Variants in CNNM2 observed in about 807,000 individuals in gnomAD.
CNNM2 encodes metal transporter CNNM2.
A neutral mutation model predicts 66.9 loss-of-function variants in CNNM2; 12 were observed. That is an observed-to-expected ratio of 0.18 (90% CI 0.11 to 0.29). The LOEUF (loss-of-function observed/expected upper bound fraction) is 0.29, where lower values mean the gene tolerates loss of function less well. CNNM2 is among the 10% of genes least tolerant of loss of function. The probability of loss-of-function intolerance (pLI) is 1.00; values close to 1 mark genes in which losing one functional copy is unlikely to be tolerated. For missense variants in CNNM2, 705 were observed against 1,167.7 expected (o/e 0.60, Z 5.77); for synonymous variants, 557 against 501.8 (o/e 1.11, Z -1.47).
intron 1 of CNNM2, among the ~76,000 whole-genome samples, chr10:103,008,044 A>G (rs1006875602): frequency 2.0e-4 from 30 of 152,028 alleles, no homozygotes; most frequent in Admixed American, 7.9e-4. Context: ...TTTTTGCTCT[A>G]TGTCTCTGAA....
intron 1 of CNNM2, among the ~76,000 whole-genome samples, chr10:102,985,595 T>C (rs2063784715): frequency 6.6e-6 from 1 of 152,226 alleles, no homozygotes; most frequent in Non-Finnish European, 1.5e-5. Flanking sequence ...TTAGTCATGT[T>C]CTTTCTAGCC....
intron 1 of CNNM2, among the ~76,000 whole-genome samples, chr10:102,981,768 G>C (rs1374323462): frequency 6.6e-6 from 1 of 151,584 alleles, no homozygotes; most frequent in Non-Finnish European, 1.5e-5. Flanking sequence ...ATCACTGAGA[G>C]ACCTCAGTTG....
At chr10:103,029,527 T>C (rs1206887486) in intron 1 of CNNM2, among the ~76,000 whole-genome samples, 7 of 151,454 alleles carry the variant, frequency 4.6e-5, no homozygotes, top group African/African-American at 1.5e-4. Flanking sequence ...AGGCTTTAGA[T>C]GTGAAAGAGA....
Position 103,085,129 on chromosome 10 carries a change from G to A in CNNM2, c.*7949G>A, listed in dbSNP as rs1270314069. On this transcript the variant is annotated 3_prime_UTR_variant, in exon 8 of 8. Coordinates refer to ENST00000369878, the MANE Select transcript of CNNM2 (RefSeq NM_017649.5). ...AGGACTGAGGATGCACGTTTCTAAG[G>A]GAGAATTAGTTGCCCGACTTCTGAA... 6.6e-6 allele frequency: 1 copy of A among 152,096 alleles called. No homozygotes were observed. The highest frequency in any genetic ancestry group is 2.1e-4 in the South Asian group (1 of 4,820). The allele number at this position is 152,096 out of a possible 1,614,324, so 9.4% of individuals were successfully genotyped here.
rs570810917 is a variant in CNNM2, at chr10:103,006,703, C to A, written c.1622-43004C>A. Among the ~76,000 whole-genome samples the A allele has an allele frequency of 6.6e-5, 10 of 152,098 alleles. No individual in the cohort carries two copies. In the East Asian group the frequency reaches 1.9e-3, roughly 29 times the overall value. On this transcript the variant is annotated intron_variant, in intron 1 of 7. Transcript: ENST00000369878. ...GTGCAATGGTGCGATCTCAGCTTAC[C>A]GCAGCCTTGACCCCTCTAGCTCAAG...
intron 1 of CNNM2, among the ~76,000 whole-genome samples, chr10:102,965,198 A>G (rs1409158023): frequency 6.6e-6 from 1 of 152,078 alleles, no homozygotes; most frequent in African/African-American, 2.4e-5. Flanking sequence ...TATATGAAGC[A>G]CCTGACACAC....
rs35281835 is a variant in CNNM2 at position 102,992,273 on chromosome 10, C to CTTTTTTTTTTTTTTTTTTTT, written c.1622-57416_1622-57415insTTTTTTTTTTTTTTTTTTTT. 2.5e-4 allele frequency among the ~76,000 whole-genome samples: 27 copies of CTTTTTTTTTTTTTTTTTTTT among 108,480 alleles called. 1 individual carries two copies. Among genetic ancestry groups the CTTTTTTTTTTTTTTTTTTTT allele is most frequent in the South Asian group, 1.0e-3 (3 of 2,882 alleles). The allele number at this position is 108,480 out of a possible 152,430, so 71.2% of individuals were successfully genotyped here. On this transcript the variant is annotated intron_variant, in intron 1 of 7. Coordinates refer to ENST00000369878, the MANE Select transcript of CNNM2 (RefSeq NM_017649.5). ...TTTACTGGGAGCAAGCTCCAAGTTCCTTTTTTTTTTTTTTTTTTGAGATGC... is the reference window on the plus strand; with the variant it reads ...TTTACTGGGAGCAAGCTCCAAGTTCCTTTTTTTTTTTTTTTTTTTTTTTTTTTTTTTTTTTTTTGAGATGC...
At chr10:103,066,312 C>G (rs1338692016) in intron 4 of CNNM2, among the ~76,000 whole-genome samples, 2 of 152,194 alleles carry the variant, frequency 1.3e-5, no homozygotes, top group Non-Finnish European at 2.9e-5. Context: ...GACCTTCTTT[C>G]TCCCACTCGT....
At chr10:102,992,019 C>T (rs1246717309) in intron 1 of CNNM2, among the ~76,000 whole-genome samples, 5 of 152,056 alleles carry the variant, frequency 3.3e-5, no homozygotes, top group Non-Finnish European at 7.4e-5. Flanking sequence ...ATTTACATTA[C>T]CTGTATGTAC....
At chr10:103,036,925 G>A (rs1469243401) in intron 1 of CNNM2, among the ~76,000 whole-genome samples, 21 of 152,104 alleles carry the variant, frequency 1.4e-4, no homozygotes, top group Admixed American at 1.4e-3. Flanking sequence ...CATTGTGGTG[G>A]TAGAAGTGTC....
At chr10:102,954,184 G>GT (rs1564819108) in intron 1 of CNNM2, among the ~76,000 whole-genome samples, 2 of 148,804 alleles carry the variant, frequency 1.3e-5, no homozygotes, top group East Asian at 4.0e-4. Context: ...CTGGAGTGCA[G>GT]TGGTGTGATT....
intron 4 of CNNM2, 59 bp from the exon 5 acceptor site, chr10:103,068,570 A>G (rs2065519579): frequency 7.5e-7 from 1 of 1,337,140 alleles, no homozygotes; most frequent in East Asian, 2.4e-5. Context: ...AATATTGTAC[A>G]GAGTGTGCCA....
intron 1 of CNNM2, among the ~76,000 whole-genome samples, chr10:102,998,645 G>A (rs994897678): frequency 3.9e-5 from 6 of 152,162 alleles, no homozygotes; most frequent in South Asian, 4.2e-4. Flanking sequence ...CAGGTGACAC[G>A]ATCTTCTATA....
chr10:102,972,608 C>G (rs571804442), intron 1 of CNNM2, among the ~76,000 whole-genome samples: 1 of 152,300 alleles, frequency 6.6e-6, no homozygotes, highest in East Asian at 1.9e-4. Context: ...TGCACTCCAG[C>G]CTGGGAGACA....
chr10:103,074,444 A>C (rs2065654694), intron 6 of CNNM2, among the ~76,000 whole-genome samples: 1 of 152,258 alleles, frequency 6.6e-6, no homozygotes, highest in Non-Finnish European at 1.5e-5. Context: ...TAGAAATGGA[A>C]ACAAGGGGAA....
At chr10:103,037,510 G>A (rs952960266) in intron 1 of CNNM2, among the ~76,000 whole-genome samples, 1 of 151,926 alleles carries the variant, frequency 6.6e-6, no homozygotes, top group African/African-American at 2.4e-5. Context: ...ATATAAAAAC[G>A]TTTTGTAAAA....
intron 1 of CNNM2, among the ~76,000 whole-genome samples, chr10:102,979,000 C>T (rs895397127): frequency 1.3e-5 from 2 of 152,126 alleles, no homozygotes; most frequent in South Asian, 2.1e-4. Flanking sequence ...TAATATACCA[C>T]GATTTATTTA....
In CNNM2 at chr10:103,087,261, C is replaced by T. The variant is rs1295216142; in HGVS notation, c.*10081C>T. On this transcript the variant is annotated 3_prime_UTR_variant, in exon 8 of 8. Transcript: ENST00000369878. ...TAATTTGTTTTAAAAAGCCCAGTTA[C>T]AGCTGCCCTGCCTACCCATGGACCA... is the stretch of plus-strand genomic sequence containing the variant. 6.9e-6 allele frequency: 1 copy of T among 145,144 alleles called. No homozygotes were observed. The highest frequency in any genetic ancestry group is 2.6e-5 in the African/African-American group (1 of 38,636). The allele number at this position is 145,144 out of a possible 1,614,324, so 9.0% of individuals were successfully genotyped here.
chr10:103,053,990 C>G (rs1291508903), intron 2 of CNNM2, among the ~76,000 whole-genome samples: 1 of 152,124 alleles, frequency 6.6e-6, no homozygotes, highest in Non-Finnish European at 1.5e-5. Context: ...GGCTGCGCGC[C>G]CTGTTGCTGT....
Sources: gnomAD v4.1 joint callset for allele counts (sites outside exome capture counted in the v4.1 genomes callset) on GRCh38, gnomAD v4.1.1 for gene constraint, MANE v1.5 for transcripts, NCBI Gene and HGNC (gene_info 2026-07-23, HGNC 2026-07-21) for gene names.